HUS1: variants seen among roughly 807,000 people sequenced by gnomAD.
HUS1 encodes the protein checkpoint protein HUS1.
In HUS1, 31 loss-of-function variants were observed where a neutral mutation model predicts 32.6. That is an observed-to-expected ratio of 0.95 (90% CI 0.72 to 1.28). The LOEUF (loss-of-function observed/expected upper bound fraction) is 1.28, where lower values mean the gene tolerates loss of function less well. Among genes scored for constraint, HUS1 ranks in the 50% most tolerant of loss-of-function variants. The pLI, the probability that HUS1 is intolerant of heterozygous loss-of-function variation, is 0.00. For synonymous variants in HUS1, 123 were observed against 116.6 expected (o/e 1.06, Z -0.36); for missense variants, 340 against 337.7 (o/e 1.01, Z -0.05).
chr7:47,971,551 G>A lies in HUS1; in HGVS notation c.541-2233C>T, dbSNP rs1246999852. On this transcript the variant is annotated intron_variant, in intron 5 of 7. Transcript: ENST00000258774. ...AAGCATATGCCACAGTATGGTTTGA[G>A]GTTTTGCTAACCTATCCTGGTCCAC... 8.8e-6 allele frequency: 4 copies of A among 456,648 alleles called. No homozygotes were observed. The East Asian group carries it at 2.8e-4, about 32-fold the overall frequency. The allele number at this position is 456,648 out of a possible 1,614,324, so 28.3% of individuals were successfully genotyped here.
intron 3 of HUS1, 74 bp from the exon 4 acceptor site, chr7:47,976,911 G>A (rs181609369): frequency 3.2e-5 from 32 of 1,003,434 alleles, no homozygotes; most frequent in East Asian, 3.0e-4. Flanking sequence ...CCGAAGACCC[G>A]GGACAAAAAA....
At chr7:47,969,961 C>T (rs868768969) in intron 5 of HUS1, among the ~76,000 whole-genome samples, 5 of 152,124 alleles carry the variant, frequency 3.3e-5, no homozygotes, top group Middle Eastern at 3.4e-3. Flanking sequence ...CAGCCGGGCG[C>T]GGTGGCTCTC....
rs1285193474 is a variant in HUS1 at position 47,976,837 on chromosome 7, A to G, written c.358T>C (p.Leu120=). 6.3e-7 allele frequency: 1 copy of G among 1,583,456 alleles called. No homozygotes were observed. The highest frequency in any genetic ancestry group is 8.7e-7 in the Non-Finnish European group (1 of 1,153,080). Residue 120 remains leucine (L), a splice_region_variant and synonymous_variant, in exon 4 of 8, where the codon TTA becomes CTA. Transcript: ENST00000258774. The stretch of plus-strand genomic sequence containing the variant: ...ATGCGGCTACTGCTTGACATAGATA[A>G]CTGCCAAGAAAAGAATTTAAAAATA... ...FPCLTVSVEL[L]SMSSSSRIVT... is the part of the protein sequence containing the mutation.
Position 47,978,507 on chromosome 7 carries a change from A to T in HUS1, c.267T>A (p.Ser89=). The T allele has an allele frequency of 6.2e-7, 1 of 1,614,218 alleles. No individual in the cohort carries two copies. The highest frequency in any genetic ancestry group is 8.5e-7 in the Non-Finnish European group (1 of 1,180,026). ...CATTCTGGGCAGTCTTCAAGGCTCG[A>T]GATAAGTTTTCCGATGTTAGCTCTA... ...IYLELTSENL[S]RALKTAQNAR... The change falls in exon 3 of 8, where the codon TCT becomes TCA. Residue 89 remains serine (S), a synonymous_variant. Coordinates refer to ENST00000258774, the MANE Select transcript of HUS1 (RefSeq NM_004507.4).
intron 4 of HUS1, chr7:47,976,526 T>G (rs1788707858): frequency 1.6e-6 from 1 of 622,470 alleles, no homozygotes; most frequent in African/African-American, 1.8e-5. Flanking sequence ...GCGAGACATT[T>G]TCTACATATA....
At position 47,979,370 on chromosome 7, in the gene HUS1, G is replaced by A. The variant is rs1788777593; in HGVS notation, c.52+98C>T. On this transcript the variant is annotated intron_variant, in intron 1 of 7. Transcript: ENST00000258774. Reference sequence around the variant, plus strand: ...GCCCCATCCTCCCGCGGCCCCTTCCGGCGCCCATCCCCGTTCTGATCCTCC... The same window carrying A: ...GCCCCATCCTCCCGCGGCCCCTTCCAGCGCCCATCCCCGTTCTGATCCTCC... 1.8e-5 allele frequency: 19 copies of A among 1,082,004 alleles called. No individual in the cohort carries two copies. In the South Asian group the frequency reaches 2.8e-4, roughly 16 times the overall value. 67.0% of individuals were successfully genotyped at this position (1,082,004 alleles called of 1,614,324 possible).
At chr7:47,967,151 C>A (rs1788495861) in intron 7 of HUS1, among the ~76,000 whole-genome samples, 1 of 152,166 alleles carries the variant, frequency 6.6e-6, no homozygotes, top group Admixed American at 6.5e-5. Context: ...AACTTCAAAT[C>A]CAGGATGCAG....
chr7:47,968,624 T>G lies in HUS1; in HGVS notation c.640+595A>C, dbSNP rs546690513. Among the ~76,000 whole-genome samples, 5 of 152,364 alleles carry G rather than the reference T, an allele frequency of 3.3e-5. No homozygotes were observed. In the East Asian group the frequency reaches 9.6e-4, roughly 29 times the overall value. On this transcript the variant is annotated intron_variant, in intron 6 of 7. Transcript: ENST00000258774. ...CCTGGTCCTTTACCTGCTTTCCTGC[T>G]CAGGCAGCCCCTGCTACTGTGCAGC... is the stretch of plus-strand genomic sequence containing the variant.
chr7:47,978,449 G>GTTTATTA lies in HUS1; in HGVS notation c.318_324dup (p.His109Ter). ...ACGGAGACCGTGAGGCAGGGAAAGTGTTTATTAGTCAGTTTGATTTTCAAA... is the reference window on the plus strand; with the variant it reads ...ACGGAGACCGTGAGGCAGGGAAAGTGTTTATTATTTATTAGTCAGTTTGATTTTCAAA... On this transcript the variant is annotated stop_gained and frameshift_variant, in exon 3 of 8. Coordinates refer to ENST00000258774, the MANE Select transcript of HUS1 (RefSeq NM_004507.4). LOFTEE classifies it high-confidence loss of function. 1.2e-6 allele frequency: 2 copies of GTTTATTA among 1,614,244 alleles called. No individual in the cohort carries two copies. Among genetic ancestry groups the GTTTATTA allele is most frequent in the Non-Finnish European group, 1.7e-6 (2 of 1,180,038 alleles).
Position 47,979,588 on chromosome 7 carries a change from C to T in HUS1, c.-69G>A. ...AAAAGCGTCGCGCCCTGAGTGTCCC[C>T]GCCCGGAAACACGGCAGCGCGAACA... On this transcript the variant is annotated 5_prime_UTR_variant, in exon 1 of 8. Transcript: ENST00000258774. The T allele has an allele frequency of 8.1e-7, 1 of 1,233,844 alleles. No homozygotes were observed. Among genetic ancestry groups the T allele is most frequent in the Non-Finnish European group, 1.2e-6 (1 of 843,284 alleles). The allele number at this position is 1,233,844 out of a possible 1,614,324, so 76.4% of individuals were successfully genotyped here.
chr7:47,975,190 C>T (rs1242637086), intron 5 of HUS1, among the ~76,000 whole-genome samples: 4 of 151,808 alleles, frequency 2.6e-5, no homozygotes, highest in Non-Finnish European at 5.9e-5. Context: ...TGGTGGCAGG[C>T]GCCTGTAGTC....
chr7:47,972,360 A>T (rs1476307150), intron 5 of HUS1, among the ~76,000 whole-genome samples: 3 of 152,224 alleles, frequency 2.0e-5, no homozygotes, highest in African/African-American at 4.8e-5. Context: ...AATTCCTAAG[A>T]ATCTCAGTAA....
intron 5 of HUS1, chr7:47,971,506 T>C (rs901335069): frequency 3.7e-5 from 17 of 456,640 alleles, no homozygotes; most frequent in African/African-American, 8.0e-5. Context: ...GTTCTTTTAA[T>C]TGGATGGAAC....
chr7:47,973,606 T>C (rs1788641592), intron 5 of HUS1, among the ~76,000 whole-genome samples: 1 of 152,200 alleles, frequency 6.6e-6, no homozygotes, highest in South Asian at 2.1e-4. Context: ...CCATTTTCCT[T>C]AATTCTACTG....
chr7:47,970,941 C>CT (rs1788586470), intron 5 of HUS1, among the ~76,000 whole-genome samples: 1 of 152,174 alleles, frequency 6.6e-6, no homozygotes, highest in Non-Finnish European at 1.5e-5. Flanking sequence ...AGAGAATAGG[C>CT]TTTTAATAAC....
At chr7:47,971,724 T>A (rs1304828128) in intron 5 of HUS1, among the ~76,000 whole-genome samples, 1 of 152,192 alleles carries the variant, frequency 6.6e-6, no homozygotes, top group Non-Finnish European at 1.5e-5. Flanking sequence ...CATCTAGTAC[T>A]AGAAAAGTGC....
Position 47,979,551 on chromosome 7 carries a change from T to C in HUS1, c.-32A>G. The C allele has an allele frequency of 7.0e-6, 11 of 1,573,924 alleles. No individual in the cohort carries two copies. Among genetic ancestry groups the C allele is most frequent in the Non-Finnish European group, 9.6e-6 (11 of 1,147,744 alleles). Reference sequence around the variant, plus strand: ...GGATGGCGCAGCCGCGGCGGGCCTCTGTGGGTAACAGAAAAGCGTCGCGCC... The same window carrying C: ...GGATGGCGCAGCCGCGGCGGGCCTCCGTGGGTAACAGAAAAGCGTCGCGCC... On this transcript the variant is annotated 5_prime_UTR_variant, in exon 1 of 8. Transcript: ENST00000258774.
intron 1 of HUS1, 73 bp from the exon 2 acceptor site, chr7:47,978,889 A>T: frequency 6.7e-7 from 1 of 1,485,592 alleles, no homozygotes; most frequent in Non-Finnish European, 9.2e-7. Context: ...TATTTTGCAG[A>T]ATTTCTTGTT....
rs147005640 is a variant in HUS1 at position 47,977,603 on chromosome 7, A to C, written c.358-766T>G. On this transcript the variant is annotated intron_variant, in intron 3 of 7. Coordinates refer to ENST00000258774, the MANE Select transcript of HUS1 (RefSeq NM_004507.4). ...TGCAAAGAGTTGAGAGTTATGAAGA[A>C]AAGCTGGGCTGGGCGCCGTGGCTCA... 7.6e-3 allele frequency among the ~76,000 whole-genome samples: 1,153 copies of C among 152,326 alleles called. 21 individuals carry two copies. The highest frequency in any genetic ancestry group is 0.026 in the African/African-American group (1,082 of 41,566).
Sources: allele counts gnomAD v4.1 joint callset (sites outside exome capture counted in the v4.1 genomes callset), GRCh38; gene constraint gnomAD v4.1.1; transcripts MANE v1.5; gene names NCBI Gene and HGNC (gene_info 2026-07-23, HGNC 2026-07-21).